Variants in SNX6 observed in about 807,000 individuals in gnomAD.
SNX6 encodes sorting nexin-6.
Under a neutral mutation model 63.0 loss-of-function variants are expected in SNX6, and 34 were observed. The observed-to-expected ratio is 0.54, with a 90% CI of 0.41 to 0.72. The LOEUF (loss-of-function observed/expected upper bound fraction) is 0.72. Ranked by LOEUF, SNX6 falls within the 30% of genes least tolerant of loss-of-function variation. The pLI is 0.00. For synonymous variants in SNX6, 170 were observed against 164.2 expected (o/e 1.04, Z -0.27); for missense variants, 398 against 471.4 (o/e 0.84, Z 1.44).
intron 2 of SNX6, among the ~76,000 whole-genome samples, chr14:34,620,769 T>C (rs1249827248): frequency 1.3e-5 from 2 of 151,974 alleles, no homozygotes; most frequent in African/African-American, 4.8e-5. Context: ...AGCGAAACCC[T>C]GTGTCTACTA....
Position 34,577,273 on chromosome 14 carries a change from GA to G in SNX6, c.835-1432del, listed in dbSNP as rs1346221751. On this transcript the variant is annotated intron_variant, in intron 10 of 13. Coordinates refer to ENST00000362031, the MANE Select transcript of SNX6 (RefSeq NM_152233.4). ...AATTTTTTTGTATTTTTTTTTAGTA[GA>G]GACGGGGTTTTGTCTTGTTAGCCAG... Among the ~76,000 whole-genome samples, 3 of 151,800 alleles carry G rather than the reference GA, an allele frequency of 2.0e-5. No homozygotes were observed. In the East Asian group the frequency reaches 5.9e-4, roughly 30 times the overall value.
intron 11 of SNX6, among the ~76,000 whole-genome samples, chr14:34,568,289 G>A (rs1241032962): frequency 6.6e-6 from 1 of 150,640 alleles, no homozygotes; most frequent in Non-Finnish European, 1.5e-5. Flanking sequence ...GGAGTGCAGT[G>A]GCGCGATCTC....
intron 6 of SNX6, 43 bp downstream of exon 6, chr14:34,603,305 A>C: frequency 6.4e-7 from 1 of 1,558,582 alleles, no homozygotes; most frequent in East Asian, 2.3e-5. Context: ...AAGAAGAAGA[A>C]GAAGAAAAAG....
intron 2 of SNX6, among the ~76,000 whole-genome samples, chr14:34,625,856 T>C (rs1367360963): frequency 2.6e-4 from 40 of 152,150 alleles, no homozygotes. Context: ...TCTGATTTAG[T>C]GAGGAGGTGA....
intron 10 of SNX6, among the ~76,000 whole-genome samples, chr14:34,579,881 T>C (rs1376795227): frequency 2.7e-5 from 4 of 150,864 alleles, no homozygotes; most frequent in Non-Finnish European, 1.5e-5. Flanking sequence ...TTATATTATA[T>C]ATAAAAATAA....
intron 8 of SNX6, among the ~76,000 whole-genome samples, chr14:34,590,513 A>G (rs2138315351): frequency 6.6e-6 from 1 of 152,232 alleles, no homozygotes; most frequent in East Asian, 1.9e-4. Flanking sequence ...GGACAATACA[A>G]ATCTAAACCA....
Position 34,605,681 on chromosome 14 carries a change from A to C in SNX6, c.307T>G (p.Ser103Ala). 4 of 1,610,744 alleles carry C rather than the reference A, an allele frequency of 2.5e-6. No individual in the cohort carries two copies. The highest frequency in any genetic ancestry group is 2.5e-6 in the Non-Finnish European group (3 of 1,178,942). The change falls in exon 5 of 14, where the codon TCA becomes GCA. Residue 103 changes from serine (S) to alanine (A), a missense_variant. Transcript: ENST00000362031. The stretch of plus-strand genomic sequence containing the variant: ...CCAAGCTTCTGTAGTTTTTCCCTTG[A>C]AGCATCAAAATCAGGTCTTGGTGGT... ...PAPPRPDFDA[S>A]REKLQKLGEG...
At chr14:34,629,375 C>A in intron 2 of SNX6, 1 of 407,266 alleles carries the variant, frequency 2.5e-6, no homozygotes. Context: ...GCTACCTGCA[C>A]TTTGCATAAT....
intron 4 of SNX6, among the ~76,000 whole-genome samples, chr14:34,607,718 G>C (rs1320787678): frequency 6.6e-6 from 1 of 152,138 alleles, no homozygotes; most frequent in Admixed American, 6.6e-5. Context: ...GACCAGCCTG[G>C]CCAACATGGT....
chr14:34,616,890 G>C (rs1171700703), intron 2 of SNX6, among the ~76,000 whole-genome samples: 1 of 151,930 alleles, frequency 6.6e-6, no homozygotes, highest in Non-Finnish European at 1.5e-5. Flanking sequence ...GGCCAACATG[G>C]TGAAACCTTG....
chr14:34,575,882 A>G, intron 10 of SNX6, 40 bp from the exon 11 acceptor site: 1 of 1,142,730 alleles, frequency 8.8e-7, no homozygotes, highest in East Asian at 2.5e-5. Context: ...ATCAACAACT[A>G]CATTCTCCTC....
Position 34,586,269 on chromosome 14 carries a change from A to C in SNX6, c.755T>G (p.Leu252Ter), listed in dbSNP as rs1882152943. Residue 252 changes from leucine (L) to a stop codon, truncating the protein, a stop_gained, in exon 9 of 14, where the codon TTA becomes TGA. Coordinates refer to ENST00000362031, the MANE Select transcript of SNX6 (RefSeq NM_152233.4). LOFTEE classifies it high-confidence loss of function. ...AGAATCCTGAGTTCCTAAAGCATATAATGAAGAACCAATTCTATTGTAATC... is the reference window on the plus strand; with the variant it reads ...AGAATCCTGAGTTCCTAAAGCATATCATGAAGAACCAATTCTATTGTAATC... ...ADDYNRIGSS[L>*]YALGTQDSTD... The C allele has an allele frequency of 6.2e-7, 1 of 1,609,092 alleles. No individual in the cohort carries two copies. Among genetic ancestry groups the C allele is most frequent in the Non-Finnish European group, 8.5e-7 (1 of 1,175,742 alleles).
At chr14:34,591,262 CTT>C (rs1257743433) in intron 8 of SNX6, among the ~76,000 whole-genome samples, 1 of 151,806 alleles carries the variant, frequency 6.6e-6, no homozygotes, top group Non-Finnish European at 1.5e-5. Context: ...CTATTTTGCA[CTT>C]TGAGTGGTTC....
intron 8 of SNX6, 24 bp from the exon 9 acceptor site, chr14:34,586,329 T>G: frequency 7.0e-7 from 1 of 1,434,888 alleles, no homozygotes; most frequent in Non-Finnish European, 9.8e-7. Flanking sequence ...TTTAAGAATT[T>G]AGTATACCTA....
At position 34,629,918 on chromosome 14, in the gene SNX6, C is replaced by T. The variant is rs781480338; in HGVS notation, c.43G>A (p.Glu15Lys). The T allele has an allele frequency of 6.4e-7, 1 of 1,554,920 alleles. No individual in the cohort carries two copies. Among genetic ancestry groups the T allele is most frequent in the Non-Finnish European group, 8.7e-7 (1 of 1,151,114 alleles). The stretch of plus-strand genomic sequence containing the variant: ...AAGGCAGAACTTACTCCGCGGTCCT[C>T]TTCTGAGAGGAAGTCCGGGCCGTCG... ...LDDGPDFLSEEDRGLKAINVD... is the reference protein window; with the variant it reads ...LDDGPDFLSEKDRGLKAINVD... The change falls in exon 2 of 14, where the codon GAG (glutamate) becomes AAG (lysine). Residue 15 changes from glutamate to lysine, a missense_variant. Coordinates refer to ENST00000362031, the MANE Select transcript of SNX6 (RefSeq NM_152233.4).
chr14:34,581,445 C>T (rs371822989), intron 10 of SNX6, 116 bp downstream of exon 10: 143 of 542,352 alleles, frequency 2.6e-4, no homozygotes, highest in African/African-American at 2.4e-3. Context: ...AGCCACGTGC[C>T]TGGCCAATAG....
intron 2 of SNX6, among the ~76,000 whole-genome samples, chr14:34,612,161 G>C (rs1336720884): frequency 1.6e-4 from 25 of 151,696 alleles, no homozygotes; most frequent in Admixed American, 1.5e-3. Flanking sequence ...GGCTGGTCTT[G>C]AACTCCCGAG....
chr14:34,605,191 G>A lies in SNX6; in HGVS notation c.392+405C>T, dbSNP rs150048836. Among the ~76,000 whole-genome samples the A allele has an allele frequency of 5.1e-3, 767 of 151,322 alleles. 4 individuals carry two copies. The highest frequency in any genetic ancestry group is 6.7e-3 in the Non-Finnish European group (455 of 67,836). ...GCAATATGCCCACATTGAAAAAAGAGAACTAGGTTGGTAGTGACTAAGGCT... is the reference window on the plus strand; with the variant it reads ...GCAATATGCCCACATTGAAAAAAGAAAACTAGGTTGGTAGTGACTAAGGCT... On this transcript the variant is annotated intron_variant, in intron 5 of 13. Coordinates refer to ENST00000362031, the MANE Select transcript of SNX6 (RefSeq NM_152233.4).
intron 2 of SNX6, among the ~76,000 whole-genome samples, chr14:34,616,941 G>A (rs1457656667): frequency 6.6e-6 from 1 of 152,064 alleles, no homozygotes; most frequent in Non-Finnish European, 1.5e-5. Flanking sequence ...AAATTAGCTG[G>A]GCGTGGTGTG....
Sources: gnomAD v4.1 joint callset for allele counts (sites outside exome capture counted in the v4.1 genomes callset) on GRCh38, gnomAD v4.1.1 for gene constraint, MANE v1.5 for transcripts, NCBI Gene and HGNC (gene_info 2026-07-23, HGNC 2026-07-21) for gene names.